The following SLC22A3 variants were observed in gnomAD, a reference collection of about 807,000 sequenced individuals.
The protein encoded by SLC22A3 is EMT organic cation transporter 3.
SLC22A3 carries 51 observed loss-of-function variants against 59.1 expected under a neutral mutation model. The ratio of observed to expected loss-of-function variants is 0.86; its 90% confidence interval spans 0.69 to 1.09. The LOEUF (loss-of-function observed/expected upper bound fraction) is 1.09, where lower values mean the gene tolerates loss of function less well. Ranked by LOEUF, SLC22A3 falls within the 50% of genes least tolerant of loss-of-function variation. The pLI, the probability that SLC22A3 is intolerant of heterozygous loss-of-function variation, is 0.00. For missense variants in SLC22A3, 711 were observed against 726.3 expected (o/e 0.98, Z 0.24); for synonymous variants, 325 against 292.0 (o/e 1.11, Z -1.15).
chr6:160,351,180 A>C (rs761436843), intron 1 of SLC22A3, among the ~76,000 whole-genome samples: 19 of 152,096 alleles, frequency 1.2e-4, no homozygotes, highest in African/African-American at 4.3e-4. Flanking sequence ...CAGTGGCGTG[A>C]TCTCGGCTTA....
intron 1 of SLC22A3, among the ~76,000 whole-genome samples, chr6:160,370,754 A>G (rs1438690409): frequency 1.3e-5 from 2 of 152,250 alleles, no homozygotes; most frequent in Non-Finnish European, 2.9e-5. Flanking sequence ...TTTTGCATGA[A>G]TCAGATAAAA....
Position 160,348,390 on chromosome 6 carries a change from G to C in SLC22A3, c.-30G>C. The stretch of plus-strand genomic sequence containing the variant: ...GGGTCCGCGGGTCACTCCGAGGCGC[G>C]GGCTGCGGGCGGCGGGCGGCGGGCG... On this transcript the variant is annotated 5_prime_UTR_variant, in exon 1 of 11. Transcript: ENST00000275300. 7.0e-7 allele frequency: 1 copy of C among 1,424,650 alleles called. No homozygotes were observed. Among genetic ancestry groups the C allele is most frequent in the Non-Finnish European group, 9.1e-7 (1 of 1,095,264 alleles). 88.3% of individuals were successfully genotyped at this position (1,424,650 alleles called of 1,614,324 possible). A position where few individuals can be genotyped will look rare whatever the true frequency, so the allele number is the denominator to read the frequency against.
chr6:160,418,156 C>A (rs1350729280), intron 5 of SLC22A3, among the ~76,000 whole-genome samples: 1 of 152,120 alleles, frequency 6.6e-6, no homozygotes, highest in Non-Finnish European at 1.5e-5. Context: ...AGGAAGCCTC[C>A]CCTCAATGTG....
chr6:160,449,406 T>C (rs1788867394), intron 10 of SLC22A3, among the ~76,000 whole-genome samples: 1 of 152,016 alleles, frequency 6.6e-6, no homozygotes, highest in African/African-American at 2.4e-5. Flanking sequence ...TTGGGTACAT[T>C]AATTAATTAT....
chr6:160,374,708 AG>A (rs1293858950), intron 1 of SLC22A3, among the ~76,000 whole-genome samples: 1 of 152,166 alleles, frequency 6.6e-6, no homozygotes, highest in African/African-American at 2.4e-5. Context: ...TCAGCACCAC[AG>A]GGCTCATCTC....
intron 1 of SLC22A3, among the ~76,000 whole-genome samples, chr6:160,386,656 C>T (rs1005581198): frequency 6.6e-5 from 10 of 152,206 alleles, no homozygotes; most frequent in African/African-American, 2.4e-4. Context: ...CTCCAGATCC[C>T]ATGCATAGAG....
chr6:160,349,014 GC>G, intron 1 of SLC22A3, 166 bp downstream of exon 1: 15 of 985,468 alleles, frequency 1.5e-5, no homozygotes, highest in Non-Finnish European at 1.8e-5. Context: ...TGGAAGTGCC[GC>G]GTCGTAAATG....
chr6:160,440,843 C>A (rs988750169), intron 7 of SLC22A3, among the ~76,000 whole-genome samples: 1 of 152,120 alleles, frequency 6.6e-6, no homozygotes, highest in Non-Finnish European at 1.5e-5. Context: ...AGATTAAGGT[C>A]AATGTTCCGG....
intron 9 of SLC22A3, among the ~76,000 whole-genome samples, chr6:160,445,072 C>T (rs968400133): frequency 2.0e-5 from 3 of 152,182 alleles, no homozygotes; most frequent in Admixed American, 6.5e-5. Context: ...GGCAGGCAGG[C>T]GGGGCCTGAG....
At chr6:160,364,616 G>C (rs1204800269) in intron 1 of SLC22A3, among the ~76,000 whole-genome samples, 1 of 152,182 alleles carries the variant, frequency 6.6e-6, no homozygotes, top group Non-Finnish European at 1.5e-5. Flanking sequence ...GTTAGTAAAA[G>C]TACCTATTGA....
intron 5 of SLC22A3, among the ~76,000 whole-genome samples, chr6:160,423,954 G>A (rs1284582735): frequency 1.3e-5 from 2 of 152,152 alleles, no homozygotes; most frequent in African/African-American, 4.8e-5. Context: ...TATGGTTTCA[G>A]GTCTAACATT....
chr6:160,442,581 A>G (rs1788587296), intron 7 of SLC22A3, among the ~76,000 whole-genome samples, 180 bp from the exon 8 acceptor site: 2 of 152,246 alleles, frequency 1.3e-5, no homozygotes, highest in African/African-American at 4.8e-5. Flanking sequence ...AATATTAGCT[A>G]TCATCTAGTT....
At chr6:160,399,579 T>C (rs377584337) in intron 2 of SLC22A3, among the ~76,000 whole-genome samples, 1 of 152,166 alleles carries the variant, frequency 6.6e-6, no homozygotes, top group African/African-American at 2.4e-5. Flanking sequence ...AGAGGAGCCA[T>C]GAATAACTCT....
chr6:160,401,656 A>T (rs1045331193), intron 2 of SLC22A3, among the ~76,000 whole-genome samples: 1 of 151,974 alleles, frequency 6.6e-6, no homozygotes, highest in Non-Finnish European at 1.5e-5. Context: ...GATCTAACAG[A>T]TAATAGTTTA....
chr6:160,437,764 T>C (rs1788400143), intron 7 of SLC22A3, among the ~76,000 whole-genome samples: 1 of 152,118 alleles, frequency 6.6e-6, no homozygotes, highest in Admixed American at 6.5e-5. Context: ...CAGAAGGGGA[T>C]TCAAGAAAAG....
At chr6:160,402,123 T>C (rs1391108534) in intron 2 of SLC22A3, among the ~76,000 whole-genome samples, 1 of 151,962 alleles carries the variant, frequency 6.6e-6, no homozygotes, top group Non-Finnish European at 1.5e-5. Flanking sequence ...GACCCAACCA[T>C]ATATGTTGTC....
chr6:160,356,688 G>GT, intron 1 of SLC22A3, among the ~76,000 whole-genome samples: 1 of 152,252 alleles, frequency 6.6e-6, no homozygotes, highest in East Asian at 1.9e-4. Context: ...TTCTGCCTCG[G>GT]TTTTTTCCCC....
intron 4 of SLC22A3, 61 bp from the exon 5 acceptor site, chr6:160,410,668 C>A: frequency 9.8e-7 from 1 of 1,020,954 alleles, no homozygotes; most frequent in Non-Finnish European, 1.6e-6. Context: ...AAACTCAAGG[C>A]AATAGATTTT....
chr6:160,386,588 G>C (rs1786025770), intron 1 of SLC22A3, among the ~76,000 whole-genome samples: 1 of 152,192 alleles, frequency 6.6e-6, no homozygotes, highest in African/African-American at 2.4e-5. Flanking sequence ...CAGAGTGAGG[G>C]AAGGGGAGTG....
Sources: allele counts gnomAD v4.1 joint callset (sites outside exome capture counted in the v4.1 genomes callset), GRCh38; gene constraint gnomAD v4.1.1; transcripts MANE v1.5; gene names NCBI Gene and HGNC (gene_info 2026-07-23, HGNC 2026-07-21).